Variants in RPRD1A observed in about 807,000 individuals in gnomAD.
The protein encoded by RPRD1A is regulation of nuclear pre-mRNA domain containing 1A, also known as regulation of nuclear pre-mRNA domain-containing protein 1A.
In RPRD1A, 9 loss-of-function variants were observed where a neutral mutation model predicts 37.8. The observed-to-expected ratio is 0.24, with a 90% CI of 0.14 to 0.42. RPRD1A has a LOEUF of 0.42. RPRD1A is among the 10% of genes least tolerant of loss of function. RPRD1A has a pLI of 1.00. For missense variants in RPRD1A, 255 were observed against 371.0 expected, an observed-to-expected ratio of 0.69 and a Z score of 2.57; for synonymous variants, 138 against 139.7, an observed-to-expected ratio of 0.99 and a Z score of 0.08.
At chr18:36,039,262 G>A (rs1010123486) in intron 1 of RPRD1A, among the ~76,000 whole-genome samples, 2 of 152,164 alleles carry the variant, frequency 1.3e-5, no homozygotes, top group African/African-American at 4.8e-5. Flanking sequence ...GCAGAACTGT[G>A]AGTCAATTAA....
chr18:36,032,607 T>C (rs1911876020), intron 2 of RPRD1A, among the ~76,000 whole-genome samples: 1 of 152,190 alleles, frequency 6.6e-6, no homozygotes, highest in African/African-American at 2.4e-5. Context: ...TAAAGGGCAT[T>C]AAAATTATAC....
chr18:36,058,514 A>T (rs934346956), intron 1 of RPRD1A, among the ~76,000 whole-genome samples: 11 of 152,260 alleles, frequency 7.2e-5, no homozygotes, highest in African/African-American at 2.7e-4. Context: ...AAAACATCAA[A>T]TCAACAACTT....
chr18:36,015,100 GCCC>G (rs1272222139), intron 6 of RPRD1A, among the ~76,000 whole-genome samples: 7 of 145,398 alleles, frequency 4.8e-5, no homozygotes, highest in African/African-American at 7.8e-5. Flanking sequence ...CTCAGTAAAT[GCCC>G]CCAACAAGTT....
At position 35,992,455 on chromosome 18, in the gene RPRD1A, C is replaced by G. The variant is rs1355163032; in HGVS notation, c.*696G>C. 1 of 152,124 alleles carries G rather than the reference C, an allele frequency of 6.6e-6. No individual in the cohort carries two copies. The highest frequency in any genetic ancestry group is 1.5e-5 in the Non-Finnish European group (1 of 68,012). The allele number at this position is 152,124 out of a possible 1,614,324, so 9.4% of individuals were successfully genotyped here. A position where few individuals can be genotyped will look rare whatever the true frequency, so the allele number is the denominator to read the frequency against. ...AAAGTATTTTCATTATTAATCTACT[C>G]AAATAATTACAAACAGTTTAATCAA... is the stretch of plus-strand genomic sequence containing the variant. On this transcript the variant is annotated 3_prime_UTR_variant, in exon 7 of 7. Coordinates refer to ENST00000399022, the MANE Select transcript of RPRD1A (RefSeq NM_018170.5).
intron 6 of RPRD1A, among the ~76,000 whole-genome samples, chr18:36,002,630 A>C (rs2144165201): frequency 6.6e-6 from 1 of 152,198 alleles, no homozygotes; most frequent in East Asian, 1.9e-4. Flanking sequence ...CTTGCATTGT[A>C]CCTACTTTTT....
chr18:36,065,521 G>C (rs747341127), intron 1 of RPRD1A, among the ~76,000 whole-genome samples: 2 of 152,120 alleles, frequency 1.3e-5, no homozygotes, highest in African/African-American at 4.8e-5. Context: ...GGTCTCACTT[G>C]TTTTCAATTT....
chr18:36,057,079 A>AAAAT, intron 1 of RPRD1A, among the ~76,000 whole-genome samples: 1 of 145,782 alleles, frequency 6.9e-6, no homozygotes, highest in Non-Finnish European at 1.5e-5. Flanking sequence ...AAAAAAAAAA[A>AAAAT]ATCAGCCAGT....
At chr18:36,027,485 T>C (rs986486610) in intron 4 of RPRD1A, 175 bp from the exon 5 acceptor site, 47 of 563,924 alleles carry the variant, frequency 8.3e-5, no homozygotes, top group Non-Finnish European at 1.3e-4. Context: ...GAGGCTATAC[T>C]ATGTTAGGTG....
intron 1 of RPRD1A, among the ~76,000 whole-genome samples, chr18:36,062,310 CGA>C (rs1244741963): frequency 8.5e-6 from 1 of 117,592 alleles, no homozygotes; most frequent in Non-Finnish European, 1.6e-5. Flanking sequence ...GGCGACAGAG[CGA>C]GACTCCGTCT....
At chr18:36,008,809 A>G (rs527264359) in intron 6 of RPRD1A, among the ~76,000 whole-genome samples, 135 of 151,804 alleles carry the variant, frequency 8.9e-4, no homozygotes, top group African/African-American at 3.2e-3. Context: ...ATCTCACAAA[A>G]TATCTCACTT....
At chr18:36,009,896 A>C (rs1910064870) in intron 6 of RPRD1A, among the ~76,000 whole-genome samples, 1 of 152,140 alleles carries the variant, frequency 6.6e-6, no homozygotes, top group South Asian at 2.1e-4. Flanking sequence ...GTAACTCCAC[A>C]GTGCACCCTC....
chr18:36,003,961 A>G (rs1169713137), intron 6 of RPRD1A, among the ~76,000 whole-genome samples: 1 of 142,944 alleles, frequency 7.0e-6, no homozygotes, highest in Non-Finnish European at 1.5e-5. Context: ...ACCACACCAC[A>G]CTTGGAGAGG....
intron 6 of RPRD1A, among the ~76,000 whole-genome samples, chr18:36,003,841 C>G (rs1332280520): frequency 6.6e-6 from 1 of 151,680 alleles, no homozygotes; most frequent in Non-Finnish European, 1.5e-5. Flanking sequence ...CTCTGTTGCC[C>G]AGGCTGGAGT....
At chr18:36,029,945 A>G (rs1911651583) in intron 4 of RPRD1A, among the ~76,000 whole-genome samples, 1 of 151,654 alleles carries the variant, frequency 6.6e-6, no homozygotes, top group African/African-American at 2.4e-5. Flanking sequence ...AGCTGGGACT[A>G]CAGGCGCCCG....
Position 36,027,211 on chromosome 18 carries a change from C to CT in RPRD1A, c.585dup (p.Glu196ArgfsTer7). ...GTTATTTTATCTAATAGAGATACTT[C>CT]TTGGACTTCAACAGGTAAAGAAGCT... is the stretch of plus-strand genomic sequence containing the variant. On this transcript the variant is annotated frameshift_variant, in exon 5 of 7. Coordinates refer to ENST00000399022, the MANE Select transcript of RPRD1A (RefSeq NM_018170.5). LOFTEE classifies it high-confidence loss of function. The CT allele has an allele frequency of 6.2e-7, 1 of 1,613,840 alleles. No individual in the cohort carries two copies.
chr18:36,030,468 G>A (rs190625906), intron 4 of RPRD1A, among the ~76,000 whole-genome samples: 162 of 151,690 alleles, frequency 1.1e-3, no homozygotes, highest in Middle Eastern at 3.4e-3. Context: ...TGGGGACAGA[G>A]TGAAACTCCG....
At chr18:36,009,150 A>G (rs541199814) in intron 6 of RPRD1A, among the ~76,000 whole-genome samples, 1 of 152,152 alleles carries the variant, frequency 6.6e-6, no homozygotes, top group Non-Finnish European at 1.5e-5. Flanking sequence ...TAGTGGTTCA[A>G]CCACCTTTAC....
chr18:36,059,978 T>C (rs1339403297), intron 1 of RPRD1A, among the ~76,000 whole-genome samples: 2 of 152,152 alleles, frequency 1.3e-5, no homozygotes, highest in African/African-American at 4.8e-5. Context: ...TATAAGAACT[T>C]AGAAGGTGCT....
chr18:36,000,150 C>A (rs1909330063), intron 6 of RPRD1A, among the ~76,000 whole-genome samples: 1 of 152,162 alleles, frequency 6.6e-6, no homozygotes, highest in African/African-American at 2.4e-5. Flanking sequence ...AGGGGACAGA[C>A]TGCAAAGGAA....
Sources: gnomAD v4.1 joint callset for allele counts (sites outside exome capture counted in the v4.1 genomes callset) on GRCh38, gnomAD v4.1.1 for gene constraint, MANE v1.5 for transcripts, NCBI Gene and HGNC (gene_info 2026-07-23, HGNC 2026-07-21) for gene names.